The following CD34 variants were observed in gnomAD, a reference collection of about 807,000 sequenced individuals.
CD34 encodes hematopoietic progenitor cell antigen CD34.
CD34 carries 34 observed loss-of-function variants against 40.1 expected under a neutral mutation model. That is an observed-to-expected ratio of 0.85 (90% CI 0.65 to 1.13). The LOEUF is 1.13. CD34 is among the 50% of genes most tolerant of loss of function. The pLI is 0.00. For synonymous variants in CD34, 209 were observed against 190.0 expected (o/e 1.10, Z -0.82); for missense variants, 426 against 466.9 (o/e 0.91, Z 0.81).
At position 207,899,087 on chromosome 1, in the gene CD34, C is replaced by A; in HGVS notation, c.402G>T (p.Leu134Phe). ...CATTTCCAGGTGACAGGCTAGGCTTCAAGGTTGTCTCTGGAGTTGAAACGT... is the reference window on the plus strand; with the variant it reads ...CATTTCCAGGTGACAGGCTAGGCTTAAAGGTTGTCTCTGGAGTTGAAACGT... ...PANVSTPETT[L>F]KPSLSPGNVS... Residue 134 changes from leucine (L) to phenylalanine (F), a missense_variant, in exon 3 of 8, where the codon TTG becomes TTT. Physicochemically the swap from Leu to Phe is conservative, Grantham distance 22. Transcript: ENST00000310833. 6.2e-7 allele frequency: 1 copy of A among 1,614,198 alleles called. No individual in the cohort carries two copies. Among genetic ancestry groups the A allele is most frequent in the Non-Finnish European group, 8.5e-7 (1 of 1,180,034 alleles).
At position 207,889,144 on chromosome 1, in the gene CD34, C is replaced by T; in HGVS notation, c.807+17G>A. 1 of 1,455,568 alleles carries T rather than the reference C, an allele frequency of 6.9e-7. No individual in the cohort carries two copies. The highest frequency in any genetic ancestry group is 9.7e-7 in the Non-Finnish European group (1 of 1,035,288). The allele number at this position is 1,455,568 out of a possible 1,614,324, so 90.2% of individuals were successfully genotyped here. The stretch of plus-strand genomic sequence containing the variant: ...CCCCGGCATTCCCTCTCAGGCCCAT[C>T]ATCTCAGAGGACTTACCTTTTTCAG... On this transcript the variant is annotated intron_variant, in intron 6 of 7. Coordinates refer to ENST00000310833, the MANE Select transcript of CD34 (RefSeq NM_001025109.2).
intron 4 of CD34, among the ~76,000 whole-genome samples, chr1:207,895,484 G>A (rs1662132840): frequency 6.6e-6 from 1 of 152,152 alleles, no homozygotes; most frequent in Non-Finnish European, 1.5e-5. Flanking sequence ...GAGGGGAGCT[G>A]CTCTCTTTTC....
intron 4 of CD34, chr1:207,889,859 T>G: frequency 6.4e-7 from 1 of 1,563,676 alleles, no homozygotes; most frequent in South Asian, 1.2e-5. Flanking sequence ...TCTAAGATGT[T>G]AGAGAACAAA....
Position 207,882,991 on chromosome 1 carries a change from C to T in CD34, c.*4747G>A, listed in dbSNP as rs1444678302. Reference sequence around the variant, plus strand: ...AAGGGACTATGTCTTATCCCAGGTGCCTGGCATAGTACCTGGCTTATAATA... The same window carrying T: ...AAGGGACTATGTCTTATCCCAGGTGTCTGGCATAGTACCTGGCTTATAATA... On this transcript the variant is annotated 3_prime_UTR_variant, in exon 8 of 8. Coordinates refer to ENST00000310833, the MANE Select transcript of CD34 (RefSeq NM_001025109.2). 6.6e-6 allele frequency: 1 copy of T among 152,146 alleles called. No homozygotes were observed. The highest frequency in any genetic ancestry group is 1.5e-5 in the Non-Finnish European group (1 of 68,036). 9.4% of individuals were successfully genotyped at this position (152,146 alleles called of 1,614,324 possible).
At chr1:207,895,430 T>G (rs938548050) in intron 4 of CD34, among the ~76,000 whole-genome samples, 3 of 152,100 alleles carry the variant, frequency 2.0e-5, no homozygotes, top group Admixed American at 2.0e-4. Flanking sequence ...AGTTGCTTTA[T>G]GAAGGGGCAG....
intron 1 of CD34, among the ~76,000 whole-genome samples, chr1:207,909,778 C>A (rs1292624993): frequency 2.6e-5 from 4 of 152,196 alleles, no homozygotes; most frequent in African/African-American, 9.7e-5. Flanking sequence ...ATAGCTTTTC[C>A]TTGCCCCAAA....
At chr1:207,910,602 CT>C (rs1662487923) in intron 1 of CD34, among the ~76,000 whole-genome samples, 1 of 152,170 alleles carries the variant, frequency 6.6e-6, no homozygotes, top group Admixed American at 6.5e-5. Context: ...CGTGTCTATA[CT>C]TTCTGAATCA....
In CD34 at chr1:207,884,946, G is replaced by A. The variant is rs879014573; in HGVS notation, c.*2792C>T. On this transcript the variant is annotated 3_prime_UTR_variant, in exon 8 of 8. Transcript: ENST00000310833. ...CATGACATCCAACTGGAGTAACACG[G>A]AGGACTCGGCAGAAGAGTAGGATGA... 2 of 152,194 alleles carry A rather than the reference G, an allele frequency of 1.3e-5. No homozygotes were observed. Among genetic ancestry groups the A allele is most frequent in the Admixed American group, 6.5e-5 (1 of 15,282 alleles). The allele number at this position is 152,194 out of a possible 1,614,324, so 9.4% of individuals were successfully genotyped here. A position where few individuals can be genotyped will look rare whatever the true frequency, so the allele number is the denominator to read the frequency against.
In CD34 at chr1:207,889,561, C is replaced by A; in HGVS notation, c.658G>T (p.Ala220Ser). 2 of 1,614,194 alleles carry A rather than the reference C, an allele frequency of 1.2e-6. No homozygotes were observed. Among genetic ancestry groups the A allele is most frequent in the Non-Finnish European group, 1.7e-6 (2 of 1,180,028 alleles). The change falls in exon 5 of 8, where the codon GCT becomes TCT. Residue 220 changes from alanine (A) to serine (S), a missense_variant. Physicochemically the swap from Ala to Ser is moderately conservative, Grantham distance 99 (BLOSUM62 1). Coordinates refer to ENST00000310833, the MANE Select transcript of CD34 (RefSeq NM_001025109.2). ...LARVLCGEEQ[A>S]DADAGAQVCS... is the part of the protein sequence containing the mutation. ...ACCTGGGCCCCAGCATCAGCATCAG[C>A]CTGCTCCTCCCCACACAGCACTCGG...
chr1:207,894,886 C>T (rs931268694), intron 4 of CD34, among the ~76,000 whole-genome samples: 1 of 152,070 alleles, frequency 6.6e-6, no homozygotes, highest in Non-Finnish European at 1.5e-5. Flanking sequence ...ACAGAATCCA[C>T]ATAGGGTGAG....
chr1:207,902,145 T>G (rs1174709753), intron 1 of CD34, among the ~76,000 whole-genome samples: 1 of 152,180 alleles, frequency 6.6e-6, no homozygotes, highest in African/African-American at 2.4e-5. Context: ...TGTCTTACTG[T>G]TATGTGTCAG....
rs562770059 is a variant in CD34, at chr1:207,906,096, G to C, written c.79+4906C>G. ...GATCTCTTTCCTCCATTAGGTGTTA[G>C]TGTCATTGTCATTTAAATCAATCCC... On this transcript the variant is annotated intron_variant, in intron 1 of 7. Coordinates refer to ENST00000310833, the MANE Select transcript of CD34 (RefSeq NM_001025109.2). Among the ~76,000 whole-genome samples, 31 of 152,290 alleles carry C rather than the reference G, an allele frequency of 2.0e-4. 1 individual carries two copies. In the South Asian group the frequency reaches 5.8e-3, roughly 29 times the overall value.
Position 207,911,012 on chromosome 1 carries a change from C to G in CD34, c.69G>C (p.Leu23=), listed in dbSNP as rs1270927364. The change falls in exon 1 of 8, where the codon CTG becomes CTC. Residue 23 remains leucine (L), a synonymous_variant. Coordinates refer to ENST00000310833, the MANE Select transcript of CD34 (RefSeq NM_001025109.2). The stretch of plus-strand genomic sequence containing the variant: ...GCGGGCGGTACTCACGCAGCAAACT[C>G]AGCAAGCAAAGCGCGGTCCAGCCCC... The part of the protein sequence containing the change: ...MPRGWTALCL[L]SLLPSGFMSL... 6.3e-7 allele frequency: 1 copy of G among 1,590,696 alleles called. No individual in the cohort carries two copies. Among genetic ancestry groups the G allele is most frequent in the Admixed American group, 1.7e-5 (1 of 57,676 alleles).
chr1:207,894,074 C>T (rs1412519015), intron 4 of CD34, among the ~76,000 whole-genome samples: 2 of 152,132 alleles, frequency 1.3e-5, no homozygotes, highest in African/African-American at 4.8e-5. Flanking sequence ...GGACTCAAAT[C>T]AGGTTGCCAA....
intron 1 of CD34, among the ~76,000 whole-genome samples, chr1:207,909,654 G>A (rs149647780): frequency 0.011 from 1,695 of 152,244 alleles, 24 homozygotes; most frequent in African/African-American, 0.036. Flanking sequence ...TGATCTGCCT[G>A]CCTCGGCCTC....
At chr1:207,889,056 A>G (rs1435773540) in intron 6 of CD34, 105 bp downstream of exon 6, 8 of 903,266 alleles carry the variant, frequency 8.9e-6, no homozygotes, top group East Asian at 2.4e-5. Flanking sequence ...AGACTCAGAG[A>G]AGGATGGTAG....
At chr1:207,889,262 C>T in intron 5 of CD34, 49 bp from the exon 6 acceptor site, 1 of 1,613,568 alleles carries the variant, frequency 6.2e-7, no homozygotes, top group Non-Finnish European at 8.5e-7. Flanking sequence ...ACCAGCTTAT[C>T]CTGCTCCACC....
At chr1:207,894,075 A>G (rs2785645) in intron 4 of CD34, among the ~76,000 whole-genome samples, 36,380 of 152,160 alleles carry the variant, frequency 0.24, 5,086 homozygotes, top group Non-Finnish European at 0.33. Context: ...GACTCAAATC[A>G]GGTTGCCAAG....
Position 207,882,775 on chromosome 1 carries a change from T to A in CD34, c.*4963A>T, listed in dbSNP as rs1244635502. On this transcript the variant is annotated 3_prime_UTR_variant, in exon 8 of 8. Transcript: ENST00000310833. ...TCTCGGGAACACCCATATCTCTCCT[T>A]TTCTCCTCTTTAACTCCTGCTTGAC... 1 of 152,078 alleles carries A rather than the reference T, an allele frequency of 6.6e-6. No homozygotes were observed. The highest frequency in any genetic ancestry group is 1.5e-5 in the Non-Finnish European group (1 of 68,012). 9.4% of individuals were successfully genotyped at this position (152,078 alleles called of 1,614,324 possible). A position where few individuals can be genotyped will look rare whatever the true frequency, so the allele number is the denominator to read the frequency against.
Sources: gnomAD v4.1 joint callset for allele counts (sites outside exome capture counted in the v4.1 genomes callset) on GRCh38, gnomAD v4.1.1 for gene constraint, MANE v1.5 for transcripts, NCBI Gene and HGNC (gene_info 2026-07-23, HGNC 2026-07-21) for gene names.